The following COPS4 variants were observed in gnomAD, a reference collection of about 807,000 sequenced individuals.
The protein encoded by COPS4 is COP9 signalosome complex subunit 4.
In COPS4, 8 loss-of-function variants were observed where a neutral mutation model predicts 55.1. The ratio of observed to expected loss-of-function variants is 0.15; its 90% CI spans 0.09 to 0.26. The LOEUF (loss-of-function observed/expected upper bound fraction) is 0.26, where lower values mean the gene tolerates loss of function less well. COPS4 is among the 10% of genes least tolerant of loss of function. The pLI, the probability that COPS4 is intolerant of heterozygous loss-of-function variation, is 1.00. For synonymous variants in COPS4, 185 were observed against 165.7 expected (o/e 1.12, Z -0.90); for missense variants, 248 against 484.0 (o/e 0.51, Z 4.58).
At chr4:83,063,803 G>C (rs534578266) in intron 7 of COPS4, among the ~76,000 whole-genome samples, 5 of 149,154 alleles carry the variant, frequency 3.4e-5, no homozygotes, top group Non-Finnish European at 5.9e-5. Flanking sequence ...TCTGCCTCCC[G>C]GGTTCAAGTG....
At chr4:83,066,211 A>G (rs1731288776) in intron 7 of COPS4, among the ~76,000 whole-genome samples, 2 of 152,240 alleles carry the variant, frequency 1.3e-5, no homozygotes, top group Non-Finnish European at 1.5e-5. Context: ...AAGGGGTTAG[A>G]TCTATATGCT....
chr4:83,036,650 A>G (rs1730425986), intron 1 of COPS4, among the ~76,000 whole-genome samples: 1 of 152,220 alleles, frequency 6.6e-6, no homozygotes. Context: ...TGACATATAG[A>G]AAGTGCGGTA....
At chr4:83,059,987 C>G (rs1731120546) in intron 6 of COPS4, among the ~76,000 whole-genome samples, 1 of 152,100 alleles carries the variant, frequency 6.6e-6, no homozygotes, top group Non-Finnish European at 1.5e-5. Context: ...AGGTGTGAGC[C>G]ACCGCACCCG....
At chr4:83,073,811 G>T (rs4693556) in intron 9 of COPS4, among the ~76,000 whole-genome samples, 4 of 152,048 alleles carry the variant, frequency 2.6e-5, no homozygotes, top group African/African-American at 9.7e-5. Flanking sequence ...ACAAAAATTA[G>T]CTGGGCGTAG....
intron 1 of COPS4, among the ~76,000 whole-genome samples, chr4:83,040,502 C>T (rs1302041614): frequency 6.6e-6 from 1 of 152,164 alleles, no homozygotes. Context: ...GAATATGGAA[C>T]TTCCATTCCC....
intron 9 of COPS4, among the ~76,000 whole-genome samples, chr4:83,072,365 G>T (rs1470697774): frequency 6.6e-6 from 1 of 152,166 alleles, no homozygotes; most frequent in Non-Finnish European, 1.5e-5. Flanking sequence ...CTCCCAAAGT[G>T]CTGGGATTAC....
In COPS4 at chr4:83,066,426, T is replaced by C; in HGVS notation, c.887-12T>C. 1 of 1,394,026 alleles carries C rather than the reference T, an allele frequency of 7.2e-7. No individual in the cohort carries two copies. Among genetic ancestry groups the C allele is most frequent in the South Asian group, 1.3e-5 (1 of 74,094 alleles). The allele number at this position is 1,394,026 out of a possible 1,614,324, so 86.4% of individuals were successfully genotyped here. A position where few individuals can be genotyped will look rare whatever the true frequency, so the allele number is the denominator to read the frequency against. ...TAGTTTCAAACTTGTAACTGTCTTA[T>C]TTATGTTTAAGGTTCCAGCATCTTG... On this transcript the variant is annotated splice_polypyrimidine_tract_variant and intron_variant, in intron 7 of 9. Transcript: ENST00000264389.
chr4:83,062,650 G>C (rs1477394155), intron 6 of COPS4, among the ~76,000 whole-genome samples: 1 of 152,220 alleles, frequency 6.6e-6, no homozygotes, highest in Non-Finnish European at 1.5e-5. Flanking sequence ...CCCAGCCATA[G>C]TGCTGAAGCG....
At chr4:83,058,147 ATTGT>A (rs1012303571) in intron 6 of COPS4, among the ~76,000 whole-genome samples, 4 of 151,652 alleles carry the variant, frequency 2.6e-5, no homozygotes. Context: ...TGTAACAAAT[ATTGT>A]TTGTTCTTTT....
chr4:83,040,024 C>G (rs2126127299), intron 1 of COPS4, among the ~76,000 whole-genome samples: 1 of 152,326 alleles, frequency 6.6e-6, no homozygotes, highest in East Asian at 1.9e-4. Context: ...ACTATAACCT[C>G]TAGGCCTCTT....
At chr4:83,065,017 G>A (rs190803922) in intron 7 of COPS4, 354 of 676,790 alleles carry the variant, frequency 5.2e-4, no homozygotes, top group Non-Finnish European at 8.2e-4. Context: ...AGAAGCTTAG[G>A]CATGTGCCAC....
chr4:83,068,412 C>CT (rs1731341027), intron 8 of COPS4, 26 bp from the exon 9 acceptor site: 2 of 1,490,002 alleles, frequency 1.3e-6, no homozygotes, highest in Non-Finnish European at 1.9e-6. Context: ...GATAAAGTTT[C>CT]TGAGAGTTTT....
intron 8 of COPS4, among the ~76,000 whole-genome samples, chr4:83,067,720 A>G (rs1731323741): frequency 6.6e-6 from 1 of 152,164 alleles, no homozygotes; most frequent in Admixed American, 6.6e-5. Flanking sequence ...TACACATTCA[A>G]TACACAGTAA....
intron 1 of COPS4, among the ~76,000 whole-genome samples, chr4:83,043,382 C>T (rs907147234): frequency 4.0e-5 from 6 of 151,298 alleles, no homozygotes; most frequent in African/African-American, 1.5e-4. Context: ...AACCAGGGGT[C>T]GTGGCACATG....
intron 4 of COPS4, among the ~76,000 whole-genome samples, chr4:83,056,612 C>G (rs530998596): frequency 1.3e-5 from 2 of 152,212 alleles, no homozygotes; most frequent in East Asian, 3.9e-4. Context: ...TCCTGGCTAA[C>G]ACGATGAAAC....
chr4:83,054,367 CAAAAA>C (rs371690340), intron 4 of COPS4, among the ~76,000 whole-genome samples: 24 of 151,860 alleles, frequency 1.6e-4, no homozygotes, highest in African/African-American at 5.8e-4. Flanking sequence ...CAAAACAAAA[CAAAAA>C]ATAACTTCAT....
chr4:83,047,138 A>T (rs1730737344), intron 2 of COPS4, among the ~76,000 whole-genome samples: 1 of 152,242 alleles, frequency 6.6e-6, no homozygotes, highest in Non-Finnish European at 1.5e-5. Context: ...TTAAAAAATC[A>T]TGGCCTCCGG....
At chr4:83,037,212 A>G (rs990395598) in intron 1 of COPS4, among the ~76,000 whole-genome samples, 10 of 152,166 alleles carry the variant, frequency 6.6e-5, no homozygotes, top group African/African-American at 2.4e-4. Flanking sequence ...GGTGCCTATG[A>G]GAGGGGAAGT....
chr4:83,073,206 C>T (rs1481649538), intron 9 of COPS4: 1 of 665,678 alleles, frequency 1.5e-6, no homozygotes, highest in Non-Finnish European at 2.8e-6. Flanking sequence ...CTTCCCCCAG[C>T]TTCTGGCAAC....
Sources: gnomAD v4.1 joint callset for allele counts (sites outside exome capture counted in the v4.1 genomes callset) on GRCh38, gnomAD v4.1.1 for gene constraint, MANE v1.5 for transcripts, NCBI Gene and HGNC (gene_info 2026-07-23, HGNC 2026-07-21) for gene names.